The following TBC1D5 variants were observed in gnomAD, a reference collection of about 807,000 sequenced individuals.
TBC1D5 encodes the protein TBC1 domain family, member 5.
Under a neutral mutation model 100.3 loss-of-function variants are expected in TBC1D5, and 75 were observed. That is an observed-to-expected ratio of 0.75 (90% CI 0.62 to 0.91). TBC1D5 has a LOEUF of 0.91. Among genes scored for constraint, TBC1D5 ranks in the 40% least tolerant of loss-of-function variants. The pLI is 0.00. For synonymous variants in TBC1D5, 323 were observed against 325.6 expected, an observed-to-expected ratio of 0.99 and a Z score of 0.09; for missense variants, 910 against 942.4, an observed-to-expected ratio of 0.97 and a Z score of 0.45.
At chr3:17,261,491 G>C (rs1283989005) in intron 15 of TBC1D5, among the ~76,000 whole-genome samples, 1 of 151,290 alleles carries the variant, frequency 6.6e-6, no homozygotes, top group East Asian at 2.0e-4. Context: ...GGGTGGGGGG[G>C]GAGACAGGGT....
intron 1 of TBC1D5, among the ~76,000 whole-genome samples, chr3:17,698,183 C>A (rs1034985097): frequency 1.3e-5 from 2 of 152,128 alleles, no homozygotes; most frequent in East Asian, 1.9e-4. Flanking sequence ...TGGTACTGGT[C>A]CCAAAACAGA....
chr3:17,170,412 C>T (rs913077237), intron 19 of TBC1D5, among the ~76,000 whole-genome samples: 5 of 152,088 alleles, frequency 3.3e-5, no homozygotes, highest in African/African-American at 1.2e-4. Flanking sequence ...AAGAAAGTCC[C>T]CCTGGAGGTC....
At chr3:17,225,210 A>G (rs2074724765) in intron 17 of TBC1D5, among the ~76,000 whole-genome samples, 1 of 151,782 alleles carries the variant, frequency 6.6e-6, no homozygotes. Context: ...AGGCCGAGGC[A>G]GGCAGATCAC....
chr3:17,340,208 A>T (rs1195748148), intron 13 of TBC1D5, among the ~76,000 whole-genome samples: 1 of 152,162 alleles, frequency 6.6e-6, no homozygotes, highest in East Asian at 1.9e-4. Flanking sequence ...GGTCCCCTCT[A>T]TACTGGGAAT....
intron 2 of TBC1D5, among the ~76,000 whole-genome samples, chr3:17,602,615 C>T (rs917032490): frequency 5.8e-5 from 8 of 137,124 alleles, no homozygotes; most frequent in African/African-American, 2.3e-4. Context: ...TTCTGTTGCC[C>T]AGGCTGGAGT....
intron 13 of TBC1D5, among the ~76,000 whole-genome samples, chr3:17,339,865 C>T (rs1324406871): frequency 6.6e-6 from 1 of 152,008 alleles, no homozygotes; most frequent in African/African-American, 2.4e-5. Context: ...CAAACACATA[C>T]CTTGCAGTAG....
intron 14 of TBC1D5, among the ~76,000 whole-genome samples, chr3:17,306,429 TTAAAA>T (rs1338110200): frequency 6.6e-6 from 1 of 152,164 alleles, no homozygotes; most frequent in East Asian, 1.9e-4. Context: ...AATAACAAAA[TTAAAA>T]TAAGTTGGGT....
chr3:17,165,323 C>T lies in TBC1D5; in HGVS notation c.2094+1444G>A, dbSNP rs544022235. On this transcript the variant is annotated intron_variant, in intron 21 of 21. Coordinates refer to ENST00000253692, the Ensembl canonical transcript of TBC1D5. Reference sequence around the variant, plus strand: ...TATCTTTTTTTCTGTAGTAAACTGACACACTCAACTAAAAAATTATGCTAA... The same window carrying T: ...TATCTTTTTTTCTGTAGTAAACTGATACACTCAACTAAAAAATTATGCTAA... Among the ~76,000 whole-genome samples, 4 of 152,314 alleles carry T rather than the reference C, an allele frequency of 2.6e-5. No homozygotes were observed. The South Asian group carries it at 8.3e-4, about 32-fold the overall frequency.
At chr3:17,224,750 A>G (rs2074664071) in intron 17 of TBC1D5, among the ~76,000 whole-genome samples, 1 of 152,232 alleles carries the variant, frequency 6.6e-6, no homozygotes. Context: ...TTAAACATCC[A>G]GAAAGAATTT....
chr3:17,517,080 A>T (rs1473015906), intron 2 of TBC1D5, among the ~76,000 whole-genome samples: 1 of 152,162 alleles, frequency 6.6e-6, no homozygotes, highest in African/African-American at 2.4e-5. Flanking sequence ...TCTACCCTCA[A>T]AATAAAATCC....
chr3:17,360,441 A>C (rs1018814981), intron 13 of TBC1D5, among the ~76,000 whole-genome samples: 2 of 151,996 alleles, frequency 1.3e-5, no homozygotes, highest in African/African-American at 2.4e-5. Flanking sequence ...TACAACCAAA[A>C]GAAAGGATAT....
At chr3:17,523,960 T>C (rs1188321842) in intron 2 of TBC1D5, among the ~76,000 whole-genome samples, 1 of 152,194 alleles carries the variant, frequency 6.6e-6, no homozygotes, top group Non-Finnish European at 1.5e-5. Context: ...CTTTAAAGAC[T>C]TTTTAGGGGT....
At chr3:17,553,311 T>C (rs188979157) in intron 2 of TBC1D5, among the ~76,000 whole-genome samples, 3 of 152,318 alleles carry the variant, frequency 2.0e-5, no homozygotes, top group African/African-American at 4.8e-5. Context: ...TTCTATTTTT[T>C]ACTTGTTACA....
intron 2 of TBC1D5, among the ~76,000 whole-genome samples, chr3:17,557,404 G>A (rs906315093): frequency 5.9e-5 from 9 of 152,160 alleles, no homozygotes; most frequent in Non-Finnish European, 1.0e-4. Context: ...GTGCCAATAC[G>A]TCACTCTTCC....
chr3:17,525,108 T>C (rs1242680055), intron 2 of TBC1D5, among the ~76,000 whole-genome samples: 1 of 152,130 alleles, frequency 6.6e-6, no homozygotes, highest in Non-Finnish European at 1.5e-5. Flanking sequence ...TATACATAAA[T>C]GTACACTTTA....
At chr3:17,401,270 G>T (rs2093636080) in intron 8 of TBC1D5, among the ~76,000 whole-genome samples, 1 of 147,528 alleles carries the variant, frequency 6.8e-6, no homozygotes, top group Admixed American at 6.8e-5. Context: ...ATATATGTAT[G>T]TGTATAATAC....
intron 2 of TBC1D5, among the ~76,000 whole-genome samples, chr3:17,520,287 A>G (rs2096049579): frequency 6.6e-6 from 1 of 152,220 alleles, no homozygotes; most frequent in Non-Finnish European, 1.5e-5. Context: ...TGTTCTGAAT[A>G]ATTTAACTAA....
chr3:17,574,887 T>C (rs533321334), intron 2 of TBC1D5, among the ~76,000 whole-genome samples: 1 of 152,152 alleles, frequency 6.6e-6, no homozygotes, highest in Admixed American at 6.6e-5. Flanking sequence ...TAAGGCTGAA[T>C]TGCTACAGGA....
intron 3 of TBC1D5, among the ~76,000 whole-genome samples, chr3:17,475,341 A>T (rs1461501799): frequency 2.0e-5 from 3 of 152,034 alleles, no homozygotes; most frequent in African/African-American, 7.2e-5. Context: ...CATACAAGGC[A>T]AACAAAACTC....
Sources: allele counts gnomAD v4.1 joint callset (sites outside exome capture counted in the v4.1 genomes callset), GRCh38; gene constraint gnomAD v4.1.1; transcripts MANE v1.5; gene names NCBI Gene and HGNC (gene_info 2026-07-23, HGNC 2026-07-21).